Variants in COLEC10 observed in about 807,000 individuals in gnomAD.
COLEC10 encodes collectin-10.
A neutral mutation model predicts 28.4 loss-of-function variants in COLEC10; 22 were observed. The ratio of observed to expected loss-of-function variants is 0.78; its 90% CI spans 0.55 to 1.11. The LOEUF (loss-of-function observed/expected upper bound fraction) is 1.11. COLEC10 is among the 50% of genes least tolerant of loss of function. The pLI is 0.00. For synonymous variants in COLEC10, 125 were observed against 116.1 expected, an observed-to-expected ratio of 1.08 and a Z score of -0.49; for missense variants, 361 against 344.1, an observed-to-expected ratio of 1.05 and a Z score of -0.39.
chr8:118,996,992 C>T (rs993950265), intron 1 of COLEC10, among the ~76,000 whole-genome samples: 1 of 152,198 alleles, frequency 6.6e-6, no homozygotes, highest in Non-Finnish European at 1.5e-5. Flanking sequence ...GATCCACCCC[C>T]ATGACAAACG....
At chr8:119,008,700 C>G (rs10955920) in intron 1 of COLEC10, among the ~76,000 whole-genome samples, 6,888 of 150,644 alleles carry the variant, frequency 0.046, 454 homozygotes, top group East Asian at 0.16. Context: ...ACCTAGATAA[C>G]TCATCCTGGC....
chr8:118,955,421 A>C, the COLEC10 span, among the ~76,000 whole-genome samples: 1 of 152,188 alleles, frequency 6.6e-6, no homozygotes, highest in African/African-American at 2.4e-5. Context: ...CAGTTGTTTA[A>C]GGGTTTGCCT....
At position 119,089,721 on chromosome 8, in the gene COLEC10, C is replaced by T; in HGVS notation, c.190C>T (p.His64Tyr). The T allele has an allele frequency of 6.2e-7, 1 of 1,613,686 alleles. No homozygotes were observed. The highest frequency in any genetic ancestry group is 8.5e-7 in the Non-Finnish European group (1 of 1,179,706). Residue 64 changes from histidine (H) to tyrosine (Y), a missense_variant, in exon 2 of 6, where the codon CAT becomes TAT. Around this residue, in one of 3 missense-constraint regions of COLEC10, gnomAD observed 335 missense variants for 308.5 expected, o/e 1.09. Transcript: ENST00000332843. ...AGGAGATCCAGGAGAAGAGGGAAAG[C>T]ATGGCAAAGTGGGACGCATGGGGCC... ...EKGDPGEEGK[H>Y]GKVGRMGPKG... is the part of the protein sequence containing the mutation.
At chr8:119,061,631 T>A (rs1814858110) in intron 2 of COLEC10, among the ~76,000 whole-genome samples, 1 of 152,068 alleles carries the variant, frequency 6.6e-6, no homozygotes, top group Non-Finnish European at 1.5e-5. Context: ...AAATATCACA[T>A]AATTTGAAGG....
At chr8:119,006,986 T>C (rs940888207) in intron 1 of COLEC10, among the ~76,000 whole-genome samples, 1 of 152,102 alleles carries the variant, frequency 6.6e-6, no homozygotes, top group Non-Finnish European at 1.5e-5. Context: ...AAACAATGTA[T>C]AAAACTCTAG....
chr8:118,968,074 C>T, the COLEC10 span, among the ~76,000 whole-genome samples: 1 of 152,106 alleles, frequency 6.6e-6, no homozygotes, highest in African/African-American at 2.4e-5. Flanking sequence ...TTTAATTCAT[C>T]ATCAAAATAA....
At chr8:119,057,157 T>C (rs1488214505) in intron 2 of COLEC10, among the ~76,000 whole-genome samples, 1 of 152,034 alleles carries the variant, frequency 6.6e-6, no homozygotes, top group Admixed American at 6.6e-5. Flanking sequence ...TCCTCCATGC[T>C]GTTCTCATCA....
chr8:118,961,835 G>A, the COLEC10 span, among the ~76,000 whole-genome samples: 1 of 152,272 alleles, frequency 6.6e-6, no homozygotes, highest in African/African-American at 2.4e-5. Flanking sequence ...ATTTCAATGG[G>A]AATTTTGGTT....
chr8:119,057,246 G>T (rs1191865832), intron 2 of COLEC10, among the ~76,000 whole-genome samples: 1 of 151,962 alleles, frequency 6.6e-6, no homozygotes, highest in African/African-American at 2.4e-5. Flanking sequence ...TCTTTCTCAT[G>T]CCTCCTTGTG....
chr8:119,046,765 A>AT (rs1814594322), intron 2 of COLEC10, among the ~76,000 whole-genome samples: 1 of 152,218 alleles, frequency 6.6e-6, no homozygotes, highest in African/African-American at 2.4e-5. Context: ...TTTTCATGTG[A>AT]TGTTTACTTT....
In COLEC10 at chr8:119,040,555, A is replaced by G. The variant is rs147231670; in HGVS notation, n.235+31002A>G. Among the ~76,000 whole-genome samples, 380 of 152,324 alleles carry G rather than the reference A, an allele frequency of 2.5e-3. 2 individuals are homozygous for G. Among genetic ancestry groups the G allele is most frequent in the African/African-American group, 8.8e-3 (367 of 41,574 alleles). On this transcript the variant is annotated intron_variant and non_coding_transcript_variant, in intron 2 of 6. Coordinates refer to the COLEC10 transcript ENST00000521788. ...GGAGGAAAAGGTAAATGGGAAGGCT[A>G]TAGTAAAATGGATATACTGTGCTCT...
chr8:118,993,772 A>AC (rs1199111999), upstream of COLEC10, among the ~76,000 whole-genome samples: 1 of 151,996 alleles, frequency 6.6e-6, no homozygotes, highest in Admixed American at 6.6e-5. Context: ...CTATTTAAAA[A>AC]CCCCATCTCC....
At chr8:119,005,928 A>G (rs1267760139) in intron 1 of COLEC10, among the ~76,000 whole-genome samples, 1 of 152,226 alleles carries the variant, frequency 6.6e-6, no homozygotes, top group South Asian at 2.1e-4. Flanking sequence ...TCCTATTCAT[A>G]TAACAGCTCT....
chr8:119,006,149 G>A (rs1586993785), intron 1 of COLEC10, among the ~76,000 whole-genome samples: 1 of 151,954 alleles, frequency 6.6e-6, no homozygotes, highest in Non-Finnish European at 1.5e-5. Context: ...TATATTTCTG[G>A]CTTCTTTATG....
chr8:119,044,158 C>T (rs760793643), intron 2 of COLEC10, among the ~76,000 whole-genome samples: 1 of 152,192 alleles, frequency 6.6e-6, no homozygotes, highest in Non-Finnish European at 1.5e-5. Flanking sequence ...ATAGTGTCCT[C>T]ATTTACTTTC....
intron 2 of COLEC10, among the ~76,000 whole-genome samples, chr8:119,040,720 G>A (rs1164256510): frequency 6.6e-6 from 1 of 152,156 alleles, no homozygotes; most frequent in Non-Finnish European, 1.5e-5. Flanking sequence ...GATGTGGGCA[G>A]GAATAAAGGA....
intron 2 of COLEC10, among the ~76,000 whole-genome samples, chr8:119,051,898 C>G (rs563000535): frequency 7.4e-4 from 112 of 152,162 alleles, no homozygotes; most frequent in Non-Finnish European, 1.3e-3. Context: ...CTCTGCACCT[C>G]AATTGCTGTG....
intron 1 of COLEC10, among the ~76,000 whole-genome samples, chr8:119,070,716 T>G (rs1232948240): frequency 1.3e-5 from 2 of 151,708 alleles, no homozygotes; most frequent in African/African-American, 4.9e-5. Context: ...ATAAAATATG[T>G]ACAGCTATTA....
chr8:119,069,275 A>G (rs1018736882), intron 1 of COLEC10, among the ~76,000 whole-genome samples: 1 of 151,946 alleles, frequency 6.6e-6, no homozygotes, highest in African/African-American at 2.4e-5. Flanking sequence ...ATATGGGTAC[A>G]CCAGAAACCA....
Sources: gnomAD v4.1 joint callset for allele counts (sites outside exome capture counted in the v4.1 genomes callset) on GRCh38, gnomAD v4.1.1 for gene constraint, gnomAD v4.1.1 regional missense constraint, MANE v1.5 for transcripts, NCBI Gene and HGNC (gene_info 2026-07-23, HGNC 2026-07-21) for gene names.